The following CSMD3 variants were observed in gnomAD, a reference collection of about 807,000 sequenced individuals.
CSMD3 encodes the protein CUB and sushi domain-containing protein 3.
A neutral mutation model predicts 435.2 loss-of-function variants in CSMD3; 177 were observed. The observed-to-expected ratio is 0.41, with a 90% CI of 0.36 to 0.46. The LOEUF (loss-of-function observed/expected upper bound fraction) is 0.46. CSMD3 is among the 20% of genes least tolerant of loss of function. CSMD3 has a pLI of 0.34. For synonymous variants in CSMD3, 1,656 were observed against 1,520.5 expected, an observed-to-expected ratio of 1.09 and a Z score of -2.07; for missense variants, 4,265 against 4,504.6, an observed-to-expected ratio of 0.95 and a Z score of 1.52.
chr8:112,809,181 C>T (rs1424089834), intron 12 of CSMD3, among the ~76,000 whole-genome samples: 8 of 152,132 alleles, frequency 5.3e-5, no homozygotes, highest in Non-Finnish European at 1.2e-4. Flanking sequence ...CAAGGTGCTT[C>T]TTTCTTTCCT....
intron 7 of CSMD3, among the ~76,000 whole-genome samples, chr8:112,965,955 T>C (rs958936873): frequency 6.6e-6 from 1 of 151,822 alleles, no homozygotes; most frequent in Non-Finnish European, 1.5e-5. Flanking sequence ...TTTCTGAACA[T>C]GAATTATTAA....
intron 53 of CSMD3, among the ~76,000 whole-genome samples, chr8:112,298,086 A>T (rs73700900): frequency 0.035 from 5,224 of 148,156 alleles, 316 homozygotes; most frequent in African/African-American, 0.12. Context: ...AAAAAAAAAA[A>T]AAAATAAGTA....
At chr8:112,891,003 T>C (rs1220834788) in intron 10 of CSMD3, among the ~76,000 whole-genome samples, 2 of 151,708 alleles carry the variant, frequency 1.3e-5, no homozygotes, top group Non-Finnish European at 3.0e-5. Flanking sequence ...TACATACATC[T>C]ATACATATTA....
intron 1 of CSMD3, among the ~76,000 whole-genome samples, chr8:113,366,639 T>C (rs2094313414): frequency 6.6e-6 from 1 of 152,092 alleles, no homozygotes; most frequent in Non-Finnish European, 1.5e-5. Flanking sequence ...GCAATTCTTG[T>C]TTCCAAAATG....
intron 11 of CSMD3, among the ~76,000 whole-genome samples, chr8:112,834,685 A>C (rs970239243): frequency 1.3e-5 from 2 of 151,690 alleles, no homozygotes; most frequent in African/African-American, 4.8e-5. Context: ...ATTTTTGTAT[A>C]ATATAGAAAA....
rs140605923 is a variant in CSMD3 at position 112,693,981 on chromosome 8, A to G, written c.1973-3931T>C. On this transcript the variant is annotated intron_variant, in intron 13 of 70. Coordinates refer to ENST00000297405, the MANE Select transcript of CSMD3 (RefSeq NM_198123.2). ...GTTTTATTTAATTACAAATTACCTT[A>G]AATACTGAAAAATTATGTTGTCATT... 1.1e-3 allele frequency among the ~76,000 whole-genome samples: 168 copies of G among 151,906 alleles called. 1 individual carries two copies. In the East Asian group the frequency reaches 0.025, roughly 23 times the overall value.
intron 38 of CSMD3, among the ~76,000 whole-genome samples, chr8:112,375,650 T>C (rs758444564): frequency 7.2e-5 from 11 of 151,952 alleles, no homozygotes; most frequent in Non-Finnish European, 1.3e-4. Context: ...TAAATCATCT[T>C]GTTAAATATT....
intron 23 of CSMD3, among the ~76,000 whole-genome samples, chr8:112,582,722 T>A (rs1188799986): frequency 6.6e-6 from 1 of 152,044 alleles, no homozygotes; most frequent in African/African-American, 2.4e-5. Context: ...CAAATTTGTA[T>A]GTTAAAATCC....
rs368359529 is a variant in CSMD3 at position 112,610,582 on chromosome 8, C to T, written c.3716-23347G>A. Among the ~76,000 whole-genome samples, 9 of 152,142 alleles carry T rather than the reference C, an allele frequency of 5.9e-5. No homozygotes were observed. The East Asian group carries it at 9.6e-4, about 16-fold the overall frequency. On this transcript the variant is annotated intron_variant, in intron 22 of 70. Coordinates refer to ENST00000297405, the MANE Select transcript of CSMD3 (RefSeq NM_198123.2). The stretch of plus-strand genomic sequence containing the variant: ...GTAATAAAAAAAAATTGTATATGAT[C>T]GTATTAACCAATAAATAAATGTCCA...
intron 16 of CSMD3, among the ~76,000 whole-genome samples, chr8:112,676,025 G>T (rs1000325519): frequency 6.6e-6 from 1 of 152,054 alleles, no homozygotes; most frequent in Non-Finnish European, 1.5e-5. Context: ...GAAGAATTTT[G>T]GCCTGAATGA....
chr8:113,395,131 T>C (rs1380016239), intron 1 of CSMD3, among the ~76,000 whole-genome samples: 1 of 152,198 alleles, frequency 6.6e-6, no homozygotes, highest in Non-Finnish European at 1.5e-5. Context: ...AAATTAAATT[T>C]GAAATCTAGT....
At position 112,329,268 on chromosome 8, in the gene CSMD3, C is replaced by A. The variant is rs1021407413; in HGVS notation, c.7165+6061G>T. ...CAGTTTCCCAGAAGACAAGGTAATT[C>A]TTTGACCTTGTTGAAACAAGCGAGA... On this transcript the variant is annotated intron_variant, in intron 45 of 70. Coordinates refer to ENST00000297405, the MANE Select transcript of CSMD3 (RefSeq NM_198123.2). Among the ~76,000 whole-genome samples, 4 of 152,094 alleles carry A rather than the reference C, an allele frequency of 2.6e-5. No homozygotes were observed. The South Asian group carries it at 8.3e-4, about 31-fold the overall frequency.
intron 45 of CSMD3, among the ~76,000 whole-genome samples, chr8:112,333,471 T>A (rs1586796697): frequency 6.6e-6 from 1 of 152,170 alleles, no homozygotes; most frequent in Non-Finnish European, 1.5e-5. Flanking sequence ...CTGGCCTTGA[T>A]CTGCTTTATT....
chr8:112,749,003 T>C lies in CSMD3; in HGVS notation c.1972+51159A>G, dbSNP rs146701229. Among the ~76,000 whole-genome samples the C allele has an allele frequency of 1.3e-4, 20 of 152,280 alleles. No individual in the cohort carries two copies. The East Asian group carries it at 3.7e-3, about 28-fold the overall frequency. ...TTCTCCACAACCTCACCATCATCTT[T>C]TACTTTTTGACTTTTTAATAGTAGC... On this transcript the variant is annotated intron_variant, in intron 13 of 70. Transcript: ENST00000297405.
chr8:112,321,504 A>G (rs974394546), intron 45 of CSMD3, among the ~76,000 whole-genome samples: 1 of 152,318 alleles, frequency 6.6e-6, no homozygotes, highest in East Asian at 1.9e-4. Flanking sequence ...CAGGTGGAGG[A>G]GAAAACTTGA....
chr8:112,726,569 T>C (rs2076969016), intron 13 of CSMD3, among the ~76,000 whole-genome samples: 1 of 151,824 alleles, frequency 6.6e-6, no homozygotes. Context: ...AAGCAGAGTG[T>C]TAGGTGCATA....
intron 9 of CSMD3, among the ~76,000 whole-genome samples, chr8:112,927,976 A>C (rs1184123067): frequency 1.3e-5 from 2 of 152,040 alleles, no homozygotes; most frequent in East Asian, 3.9e-4. Flanking sequence ...AATAACCCCA[A>C]GCTTGGTCAT....
intron 22 of CSMD3, among the ~76,000 whole-genome samples, chr8:112,605,814 C>A (rs556505802): frequency 6.6e-6 from 1 of 152,092 alleles, no homozygotes; most frequent in Non-Finnish European, 1.5e-5. Context: ...CCTGTTTTCA[C>A]GGCTCATTTT....
chr8:113,073,154 CTT>C (rs1285784609), intron 5 of CSMD3, among the ~76,000 whole-genome samples: 1 of 151,776 alleles, frequency 6.6e-6, no homozygotes, highest in Admixed American at 6.6e-5. Context: ...TTGCAATACT[CTT>C]TGAGATACTA....
Sources: gnomAD v4.1 joint callset for allele counts (sites outside exome capture counted in the v4.1 genomes callset) on GRCh38, gnomAD v4.1.1 for gene constraint, MANE v1.5 for transcripts, NCBI Gene and HGNC (gene_info 2026-07-23, HGNC 2026-07-21) for gene names.